The following PHACTR3 variants were observed in gnomAD, a reference collection of about 807,000 sequenced individuals.
PHACTR3 encodes the protein protein phosphatase 1, regulatory subunit 123.
A neutral mutation model predicts 66.8 loss-of-function variants in PHACTR3; 16 were observed. That is an observed-to-expected ratio of 0.24 (90% CI 0.16 to 0.36). The LOEUF is 0.36. Among genes scored for constraint, PHACTR3 ranks in the 10% least tolerant of loss-of-function variants. The pLI, the probability that PHACTR3 is intolerant of heterozygous loss-of-function variation, is 1.00. For missense variants in PHACTR3, 647 were observed against 719.9 expected, an observed-to-expected ratio of 0.90 and a Z score of 1.16; for synonymous variants, 323 against 292.1, an observed-to-expected ratio of 1.11 and a Z score of -1.08.
chr20:59,697,828 G>A (rs750324696), intron 1 of PHACTR3, among the ~76,000 whole-genome samples: 29 of 152,156 alleles, frequency 1.9e-4, no homozygotes, highest in Non-Finnish European at 3.4e-4. Context: ...GCTGCATCCT[G>A]TGTTTTATTA....
At chr20:59,754,789 C>T (rs892541036) in intron 3 of PHACTR3, among the ~76,000 whole-genome samples, 1 of 152,252 alleles carries the variant, frequency 6.6e-6, no homozygotes, top group Non-Finnish European at 1.5e-5. Context: ...AAGCACTTCT[C>T]ATGCCAGTGC....
intron 1 of PHACTR3, among the ~76,000 whole-genome samples, chr20:59,581,569 G>A (rs1265763449): frequency 1.3e-5 from 2 of 152,190 alleles, no homozygotes; most frequent in Non-Finnish European, 2.9e-5. Flanking sequence ...TGAAGGGAAA[G>A]GAGTGATCCC....
chr20:59,809,346 C>T (rs552432489), intron 8 of PHACTR3, among the ~76,000 whole-genome samples: 1 of 152,088 alleles, frequency 6.6e-6, no homozygotes, highest in East Asian at 1.9e-4. Flanking sequence ...GCCTCTGCAT[C>T]GTGGTGTCGT....
At chr20:59,794,810 C>T (rs1283390579) in intron 7 of PHACTR3, among the ~76,000 whole-genome samples, 2 of 152,058 alleles carry the variant, frequency 1.3e-5, no homozygotes, top group Non-Finnish European at 2.9e-5. Context: ...TCTAGGTTAT[C>T]CAATTGTTCG....
intron 1 of PHACTR3, among the ~76,000 whole-genome samples, chr20:59,685,407 C>T (rs2426811): frequency 0.12 from 18,832 of 152,118 alleles, 1,240 homozygotes; most frequent in East Asian, 0.22. Flanking sequence ...CTGTCTCTAC[C>T]GCCTGCTTGC....
intron 8 of PHACTR3, 55 bp downstream of exon 8, chr20:59,806,249 G>T (rs550410280): frequency 3.8e-6 from 6 of 1,581,846 alleles, no homozygotes; most frequent in South Asian, 2.4e-5. Flanking sequence ...TGCAGGCGGA[G>T]CCCCTCTGAG....
chr20:59,585,790 G>A (rs2046868963), intron 1 of PHACTR3, among the ~76,000 whole-genome samples: 1 of 152,174 alleles, frequency 6.6e-6, no homozygotes, highest in Non-Finnish European at 1.5e-5. Context: ...GTTCCTTTAA[G>A]TACTGTCGCT....
intron 8 of PHACTR3, 53 bp downstream of exon 8, chr20:59,806,247 G>T: frequency 6.3e-7 from 1 of 1,581,064 alleles, no homozygotes; most frequent in Non-Finnish European, 8.6e-7. Flanking sequence ...CTTGCAGGCG[G>T]AGCCCCTCTG....
At chr20:59,673,164 T>C (rs1568695262) in intron 1 of PHACTR3, among the ~76,000 whole-genome samples, 1 of 152,224 alleles carries the variant, frequency 6.6e-6, no homozygotes, top group Admixed American at 6.5e-5. Flanking sequence ...CTCAATTTAT[T>C]TGGCATCTTC....
At chr20:59,786,363 G>A (rs1315626630) in intron 7 of PHACTR3, among the ~76,000 whole-genome samples, 1 of 152,230 alleles carries the variant, frequency 6.6e-6, no homozygotes, top group Non-Finnish European at 1.5e-5. Flanking sequence ...TTGAGAACCT[G>A]ACAACTCAAT....
At chr20:59,785,907 TCC>T (rs1349528536) in intron 7 of PHACTR3, among the ~76,000 whole-genome samples, 2 of 140,472 alleles carry the variant, frequency 1.4e-5, no homozygotes, top group Non-Finnish European at 3.2e-5. Flanking sequence ...GCCCTCTGCA[TCC>T]CCTGCTTCTG....
intron 1 of PHACTR3, among the ~76,000 whole-genome samples, chr20:59,640,134 G>A (rs2035051705): frequency 6.6e-6 from 1 of 152,232 alleles, no homozygotes; most frequent in Admixed American, 6.5e-5. Context: ...CTCAGACCCT[G>A]GGTCAGCCCG....
chr20:59,677,032 C>T (rs937629231), intron 1 of PHACTR3, among the ~76,000 whole-genome samples: 4 of 151,950 alleles, frequency 2.6e-5, no homozygotes, highest in African/African-American at 7.3e-5. Flanking sequence ...GCACAGAGTC[C>T]AGAAAGAGTC....
chr20:59,638,304 C>A (rs1186030681), intron 1 of PHACTR3, among the ~76,000 whole-genome samples: 1 of 152,160 alleles, frequency 6.6e-6, no homozygotes, highest in African/African-American at 2.4e-5. Flanking sequence ...AGTTTGTTAT[C>A]CATCCCTTAT....
At chr20:59,606,338 G>A (rs566646378) in intron 1 of PHACTR3, among the ~76,000 whole-genome samples, 1 of 149,786 alleles carries the variant, frequency 6.7e-6, no homozygotes, top group South Asian at 2.2e-4. Flanking sequence ...CAATAAACCC[G>A]GGCAAGTATT....
chr20:59,577,741 C>A, intron 1 of PHACTR3: 1 of 572,846 alleles, frequency 1.7e-6, no homozygotes, highest in Non-Finnish European at 2.4e-6. Flanking sequence ...GGCCGGGAGG[C>A]CCGCTGCGCC....
rs1259109091 is a variant in PHACTR3, at chr20:59,630,622, G to A, written c.118+25490G>A. 6.6e-5 allele frequency among the ~76,000 whole-genome samples: 10 copies of A among 152,214 alleles called. No homozygotes were observed. The East Asian group carries it at 1.2e-3, about 18-fold the overall frequency. The stretch of plus-strand genomic sequence containing the variant: ...GAGCAACATCCATAAGAGTGGTGAC[G>A]TGTGAGTGAAGTTGGGGAGACACCG... On this transcript the variant is annotated intron_variant, in intron 1 of 12. Coordinates refer to ENST00000371015, the MANE Select transcript of PHACTR3 (RefSeq NM_080672.5).
At chr20:59,793,489 A>G (rs932570477) in intron 7 of PHACTR3, among the ~76,000 whole-genome samples, 1 of 152,092 alleles carries the variant, frequency 6.6e-6, no homozygotes, top group Admixed American at 6.5e-5. Flanking sequence ...CAGAATACAG[A>G]TCTTTCATCT....
Position 59,595,633 on chromosome 20 carries a change from G to A in PHACTR3, c.109+18016G>A, listed in dbSNP as rs182263596. ...TGGTGCTGTTGAGTTCAACTCTGTCGTTACTGATTTTCTGCTTGATGGGTC... is the reference window on the plus strand; with the variant it reads ...TGGTGCTGTTGAGTTCAACTCTGTCATTACTGATTTTCTGCTTGATGGGTC... On this transcript the variant is annotated intron_variant, in intron 1 of 12. Coordinates refer to the PHACTR3 transcript ENST00000359926. Among the ~76,000 whole-genome samples, 9 of 152,232 alleles carry A rather than the reference G, an allele frequency of 5.9e-5. No homozygotes were observed. The South Asian group carries it at 6.2e-4, about 11-fold the overall frequency.
Sources: allele counts gnomAD v4.1 joint callset (sites outside exome capture counted in the v4.1 genomes callset), GRCh38; gene constraint gnomAD v4.1.1; transcripts MANE v1.5; gene names NCBI Gene and HGNC (gene_info 2026-07-23, HGNC 2026-07-21).